POTEC: variants seen among roughly 807,000 people sequenced by gnomAD.
The protein encoded by POTEC is ANKRD26-like family B member 2.
In POTEC, 35 loss-of-function variants were observed where a neutral mutation model predicts 62.0. The ratio of observed to expected loss-of-function variants is 0.56; its 90% CI spans 0.43 to 0.75. POTEC has a LOEUF of 0.75. POTEC is among the 30% of genes least tolerant of loss of function. The pLI, the probability that POTEC is intolerant of heterozygous loss-of-function variation, is 0.00. For synonymous variants in POTEC, 156 were observed against 221.5 expected (o/e 0.70, Z 2.62); for missense variants, 472 against 655.9 (o/e 0.72, Z 3.06).
At chr18:14,539,277 A>C (rs1905852723) in intron 1 of POTEC, among the ~76,000 whole-genome samples, 1 of 151,998 alleles carries the variant, frequency 6.6e-6, no homozygotes, top group African/African-American at 2.4e-5. Flanking sequence ...GCTTTTTTCA[A>C]CTTTTACATT....
rs71277685 is a variant in POTEC, at chr18:14,518,892, C to T, written c.1409+3362G>A. 7.7e-3 allele frequency among the ~76,000 whole-genome samples: 1,173 copies of T among 151,524 alleles called. 12 individuals carry two copies. Among genetic ancestry groups the T allele is most frequent in the Middle Eastern group, 0.031 (9 of 294 alleles). ...TTAGGAGGAACTTTGACATGTACTC[C>T]GAGTGAAATGGGAGATAATCAGAAG... is the stretch of plus-strand genomic sequence containing the variant. On this transcript the variant is annotated intron_variant, in intron 9 of 10. Transcript: ENST00000358970.
In POTEC at chr18:14,537,906, T is replaced by C; in HGVS notation, c.705A>G (p.Pro235=). 3.1e-6 allele frequency: 5 copies of C among 1,612,648 alleles called. No homozygotes were observed. The highest frequency in any genetic ancestry group is 4.2e-6 in the Non-Finnish European group (5 of 1,179,812). Residue 235 remains proline (P), a synonymous_variant, in exon 3 of 11, where the codon CCA becomes CCG. Coordinates refer to ENST00000358970, the MANE Select transcript of POTEC (RefSeq NM_001137671.2). ...GTAGAGTGGTATTTCCATACTCATC[T>C]GGAATATTTTGATCAGCGCCATGTT... ...LLEHGADQNI[P]DEYGNTTLHY...
chr18:14,537,218 A>AC (rs1567915552), intron 3 of POTEC, among the ~76,000 whole-genome samples: 5 of 107,248 alleles, frequency 4.7e-5, no homozygotes, highest in African/African-American at 9.7e-5. Flanking sequence ...CACAAAAAAA[A>AC]AAAAAAACAA....
intron 1 of POTEC, among the ~76,000 whole-genome samples, chr18:14,540,974 T>C (rs1905912169): frequency 6.6e-6 from 1 of 152,040 alleles, no homozygotes; most frequent in African/African-American, 2.4e-5. Flanking sequence ...CACTGCAACC[T>C]CCGTCTCCCT....
chr18:14,543,333 G>T lies in POTEC; in HGVS notation c.-187C>A, dbSNP rs968040672. 90 of 1,081,238 alleles carry T rather than the reference G, an allele frequency of 8.3e-5. No individual in the cohort carries two copies. Among genetic ancestry groups the T allele is most frequent in the South Asian group, 1.4e-4 (8 of 59,026 alleles). 67.0% of individuals were successfully genotyped at this position (1,081,238 alleles called of 1,614,324 possible). The stretch of plus-strand genomic sequence containing the variant: ...ACCCAGGGAAAACCCACACCCACCC[G>T]GGGAAAGCCCACGCCCACCAGGGGG... On this transcript the variant is annotated 5_prime_UTR_variant, in exon 1 of 11. Transcript: ENST00000358970.
At chr18:14,518,172 A>G (rs1910213998) in intron 9 of POTEC, among the ~76,000 whole-genome samples, 1 of 152,206 alleles carries the variant, frequency 6.6e-6, no homozygotes, top group Admixed American at 6.5e-5. Context: ...AGGTAGCTTC[A>G]TCCAATATGC....
intron 1 of POTEC, 43 bp downstream of exon 1, chr18:14,542,583 C>T: frequency 2.5e-6 from 4 of 1,611,572 alleles, no homozygotes; most frequent in Non-Finnish European, 3.4e-6. Flanking sequence ...ATGTCCCCAT[C>T]ATCCCCCCAT....
intron 9 of POTEC, 102 bp from the exon 10 acceptor site, chr18:14,513,887 C>T (rs1285574420): frequency 6.4e-7 from 1 of 1,574,512 alleles, no homozygotes; most frequent in Non-Finnish European, 8.6e-7. Context: ...TGCATATCTG[C>T]ACATTAATCC....
chr18:14,525,982 A>AC (rs987714775), intron 6 of POTEC, among the ~76,000 whole-genome samples: 2 of 151,882 alleles, frequency 1.3e-5, no homozygotes, highest in Non-Finnish European at 2.9e-5. Context: ...GCTCACTGCA[A>AC]CCTCTGACTC....
chr18:14,526,832 T>C (rs1184562908), intron 6 of POTEC, among the ~76,000 whole-genome samples: 1 of 152,154 alleles, frequency 6.6e-6, no homozygotes, highest in African/African-American at 2.4e-5. Flanking sequence ...TGGTCCTATC[T>C]GTATTTAGAT....
chr18:14,519,520 C>G (rs946303831), intron 9 of POTEC, among the ~76,000 whole-genome samples: 9 of 152,070 alleles, frequency 5.9e-5, no homozygotes, highest in Admixed American at 5.9e-4. Flanking sequence ...AGTTTGAAAC[C>G]AGGCTGGCCA....
rs1909916615 is a variant in POTEC at position 14,508,873 on chromosome 18, C to CT, written c.*3024dup. Reference sequence around the variant, plus strand: ...CTTTATGGGCTTATCCATCTTCAATCTTTGAGGTTGCTGACCTTTGGACAG... The same window carrying CT: ...CTTTATGGGCTTATCCATCTTCAATCTTTTGAGGTTGCTGACCTTTGGACAG... On this transcript the variant is annotated 3_prime_UTR_variant, in exon 11 of 11. Coordinates refer to ENST00000358970, the MANE Select transcript of POTEC (RefSeq NM_001137671.2). 1 of 152,236 alleles carries CT rather than the reference C, an allele frequency of 6.6e-6. No individual in the cohort carries two copies. Among genetic ancestry groups the CT allele is most frequent in the African/African-American group, 2.4e-5 (1 of 41,454 alleles). 9.4% of individuals were successfully genotyped at this position (152,236 alleles called of 1,614,324 possible).
chr18:14,540,552 T>C (rs1489298843), intron 1 of POTEC, among the ~76,000 whole-genome samples: 6 of 152,226 alleles, frequency 3.9e-5, no homozygotes, highest in Admixed American at 6.5e-5. Flanking sequence ...CATATCTCTG[T>C]ATCTACTGAC....
intron 1 of POTEC, among the ~76,000 whole-genome samples, chr18:14,541,251 T>C (rs1006083491): frequency 6.6e-6 from 1 of 152,202 alleles, no homozygotes; most frequent in African/African-American, 2.4e-5. Context: ...CTTAAATTCC[T>C]TCTCTTAGCA....
rs780279970 is a variant in POTEC, at chr18:14,524,942, G to A, written c.1168C>T (p.Leu390Phe). 5.1e-5 allele frequency: 82 copies of A among 1,605,768 alleles called. No individual in the cohort carries two copies. Among genetic ancestry groups the A allele is most frequent in the Non-Finnish European group, 6.6e-5 (78 of 1,177,902 alleles). The change falls in exon 7 of 11, where the codon CTT (leucine) becomes TTT (phenylalanine). Residue 390 changes from leucine (L) to phenylalanine (F), a missense_variant. Physicochemically the swap from Leu to Phe is conservative, Grantham distance 22 (BLOSUM62 0). This residue lies in a region of POTEC where 83 missense variants were observed against 254.3 expected (regional missense o/e 0.33). Transcript: ENST00000358970. ...KLTSEEESQR[L>F]KVSENSQPEK... ...GGCTGGCTATTTTCACTGACTTTAA[G>A]CCTTTGTGACTCTTCCTCTGATGTT... is the stretch of plus-strand genomic sequence containing the variant.
At chr18:14,540,110 C>T (rs1905882119) in intron 1 of POTEC, among the ~76,000 whole-genome samples, 1 of 151,994 alleles carries the variant, frequency 6.6e-6, no homozygotes, top group South Asian at 2.1e-4. Context: ...ATACTATTTA[C>T]ACATGTTAAT....
At position 14,535,511 on chromosome 18, in the gene POTEC, T is replaced by C. The variant is rs528358946; in HGVS notation, c.811-504A>G. On this transcript the variant is annotated intron_variant, in intron 3 of 10. Coordinates refer to ENST00000358970, the MANE Select transcript of POTEC (RefSeq NM_001137671.2). ...ATTTCAAGAATTTTTCCAACATTTA[T>C]TCATTTAAAATCTATTTGTATTTAA... Among the ~76,000 whole-genome samples, 32 of 152,190 alleles carry C rather than the reference T, an allele frequency of 2.1e-4. 1 individual carries two copies. The South Asian group carries it at 5.8e-3, about 28-fold the overall frequency.
chr18:14,536,019 G>C (rs1905701114), intron 3 of POTEC, among the ~76,000 whole-genome samples: 1 of 151,624 alleles, frequency 6.6e-6, no homozygotes, highest in Non-Finnish European at 1.5e-5. Context: ...TGTAATCTTA[G>C]CATTTTGGGA....
chr18:14,542,119 A>T (rs1905953764), intron 1 of POTEC, among the ~76,000 whole-genome samples: 1 of 152,122 alleles, frequency 6.6e-6, no homozygotes, highest in South Asian at 2.1e-4. Context: ...CATCTTAAGA[A>T]AAACGAACCT....
Sources: gnomAD v4.1 joint callset for allele counts (sites outside exome capture counted in the v4.1 genomes callset) on GRCh38, gnomAD v4.1.1 for gene constraint, gnomAD v4.1.1 regional missense constraint, MANE v1.5 for transcripts, NCBI Gene and HGNC (gene_info 2026-07-23, HGNC 2026-07-21) for gene names.